The following ARFGEF3 variants were observed in gnomAD, a reference collection of about 807,000 sequenced individuals.
The protein encoded by ARFGEF3 is brefeldin A-inhibited guanine nucleotide-exchange protein 3.
Under a neutral mutation model 221.7 loss-of-function variants are expected in ARFGEF3, and 96 were observed. The observed-to-expected ratio is 0.43, with a 90% confidence interval of 0.37 to 0.51. The LOEUF is 0.51. Ranked by LOEUF, ARFGEF3 falls within the 20% of genes least tolerant of loss-of-function variation. The pLI, the probability that ARFGEF3 is intolerant of heterozygous loss-of-function variation, is 0.00. For missense variants in ARFGEF3, 2,410 were observed against 2,789.9 expected (o/e 0.86, Z 3.07); for synonymous variants, 1,145 against 1,126.8 (o/e 1.02, Z -0.32).
At chr6:138,233,624 G>A (rs1439390650) in intron 5 of ARFGEF3, among the ~76,000 whole-genome samples, 3 of 152,012 alleles carry the variant, frequency 2.0e-5, no homozygotes, top group African/African-American at 7.2e-5. Context: ...TGATCCACCC[G>A]CCTCGGCCTC....
At chr6:138,232,318 C>T (rs775452908) in intron 5 of ARFGEF3, among the ~76,000 whole-genome samples, 1 of 152,130 alleles carries the variant, frequency 6.6e-6, no homozygotes, top group Non-Finnish European at 1.5e-5. Context: ...ACCAGCCTAA[C>T]CAACATGGGG....
At chr6:138,263,814 A>G (rs1244113522) in intron 12 of ARFGEF3, among the ~76,000 whole-genome samples, 1 of 152,248 alleles carries the variant, frequency 6.6e-6, no homozygotes, top group East Asian at 1.9e-4. Context: ...GATGGCTGGA[A>G]TATACTATGA....
intron 25 of ARFGEF3, 72 bp downstream of exon 25, chr6:138,311,582 G>C: frequency 9.7e-7 from 1 of 1,034,626 alleles, no homozygotes; most frequent in South Asian, 1.4e-5. Context: ...ACATGCGTGG[G>C]GGGTCTTTTG....
rs1344782191 is a variant in ARFGEF3, at chr6:138,337,553, A to G, written c.*1067A>G. On this transcript the variant is annotated 3_prime_UTR_variant, in exon 34 of 34. Coordinates refer to ENST00000251691, the MANE Select transcript of ARFGEF3 (RefSeq NM_020340.5). ...ATTTTCAATCTTAAAATATAATACAACAATCTTGCAAAATTATGGTGTCAG... is the reference window on the plus strand; with the variant it reads ...ATTTTCAATCTTAAAATATAATACAGCAATCTTGCAAAATTATGGTGTCAG... 6.6e-6 allele frequency: 1 copy of G among 152,590 alleles called. No homozygotes were observed. The highest frequency in any genetic ancestry group is 1.5e-5 in the Non-Finnish European group (1 of 68,038). 9.5% of individuals were successfully genotyped at this position (152,590 alleles called of 1,614,324 possible). A position where few individuals can be genotyped will look rare whatever the true frequency, so the allele number is the denominator to read the frequency against.
intron 29 of ARFGEF3, among the ~76,000 whole-genome samples, chr6:138,322,840 C>G (rs1780058049): frequency 6.8e-6 from 1 of 146,524 alleles, no homozygotes; most frequent in Non-Finnish European, 1.5e-5. Flanking sequence ...TTTACAACAA[C>G]ATAGAGGGAA....
rs1223520042 is a variant in ARFGEF3 at position 138,337,768 on chromosome 6, CTTA to C, written c.*1288_*1290del. 1 of 152,094 alleles carries C rather than the reference CTTA, an allele frequency of 6.6e-6. No individual in the cohort carries two copies. The highest frequency in any genetic ancestry group is 1.5e-5 in the Non-Finnish European group (1 of 68,010). The allele number at this position is 152,094 out of a possible 1,614,324, so 9.4% of individuals were successfully genotyped here. A position where few individuals can be genotyped will look rare whatever the true frequency, so the allele number is the denominator to read the frequency against. On this transcript the variant is annotated 3_prime_UTR_variant, in exon 34 of 34. Transcript: ENST00000251691. ...TAGAAAATACGTTTGAAAGCTTTATCTTATTATTTACAGTATTTTTATATTTCT... is the reference window on the plus strand; with the variant it reads ...TAGAAAATACGTTTGAAAGCTTTATCTTATTTACAGTATTTTTATATTTCT...
At chr6:138,280,323 G>A (rs1021924657) in intron 14 of ARFGEF3, among the ~76,000 whole-genome samples, 159 bp downstream of exon 14, 3 of 152,172 alleles carry the variant, frequency 2.0e-5, no homozygotes, top group Non-Finnish European at 4.4e-5. Context: ...AGTGTCATGA[G>A]TTCACTTCAC....
intron 29 of ARFGEF3, among the ~76,000 whole-genome samples, chr6:138,323,354 A>G (rs1985499): frequency 0.026 from 3,897 of 152,214 alleles, 75 homozygotes; most frequent in South Asian, 0.043. Context: ...TCCCACACCT[A>G]TAATATCAGC....
intron 12 of ARFGEF3, among the ~76,000 whole-genome samples, chr6:138,273,572 G>C (rs990060347): frequency 1.3e-5 from 2 of 152,214 alleles, no homozygotes; most frequent in Non-Finnish European, 2.9e-5. Flanking sequence ...ATCTACTAGA[G>C]AGGTACAGGA....
At chr6:138,261,808 A>T (rs748609142) in intron 11 of ARFGEF3, among the ~76,000 whole-genome samples, 169 bp downstream of exon 11, 8 of 152,212 alleles carry the variant, frequency 5.3e-5, no homozygotes, top group Non-Finnish European at 8.8e-5. Flanking sequence ...TATTATAATC[A>T]TGGAACTTTT....
intron 2 of ARFGEF3, among the ~76,000 whole-genome samples, chr6:138,206,208 T>A (rs181279760): frequency 7.2e-5 from 11 of 152,364 alleles, no homozygotes; most frequent in African/African-American, 2.6e-4. Context: ...TGATTAAAAT[T>A]CTTGGTCTGT....
chr6:138,282,410 C>A (rs1259821348), intron 14 of ARFGEF3, among the ~76,000 whole-genome samples: 4 of 152,218 alleles, frequency 2.6e-5, no homozygotes, highest in Non-Finnish European at 1.5e-5. Flanking sequence ...GCAAGACAGT[C>A]CAACTGGGGC....
At position 138,341,300 on chromosome 6, in the gene ARFGEF3, ATT is replaced by A. The variant is rs761354522; in HGVS notation, c.*4815_*4816del. 6 of 154,974 alleles carry A rather than the reference ATT, an allele frequency of 3.9e-5. No homozygotes were observed. Among genetic ancestry groups the A allele is most frequent in the Non-Finnish European group, 7.3e-5 (5 of 68,228 alleles). 9.6% of individuals were successfully genotyped at this position (154,974 alleles called of 1,614,324 possible). On this transcript the variant is annotated 3_prime_UTR_variant, in exon 34 of 34. Transcript: ENST00000251691. ...TGGATAACCATTTTTCAAAATGTAC[ATT>A]CTCTGAAGAGGAAGCAGCTGGTTGG...
At chr6:138,203,378 G>A (rs933278072) in intron 2 of ARFGEF3, among the ~76,000 whole-genome samples, 1 of 152,150 alleles carries the variant, frequency 6.6e-6, no homozygotes, top group Non-Finnish European at 1.5e-5. Flanking sequence ...TAGAATAAGG[G>A]CAAGAAGGTT....
rs569878069 is a variant in ARFGEF3, at chr6:138,316,394, CAT to C, written c.4346-853_4346-852del. Among the ~76,000 whole-genome samples, 7 of 152,190 alleles carry C rather than the reference CAT, an allele frequency of 4.6e-5. No homozygotes were observed. The South Asian group carries it at 1.5e-3, about 32-fold the overall frequency. On this transcript the variant is annotated intron_variant, in intron 26 of 33. Transcript: ENST00000251691. ...TTTTTCCTCTTATAGAAATTTCAAA[CAT>C]ATACAAAACTTGTATATTTTGAATA...
intron 3 of ARFGEF3, among the ~76,000 whole-genome samples, chr6:138,209,335 C>T (rs563270819): frequency 1.1e-4 from 17 of 152,258 alleles, no homozygotes; most frequent in African/African-American, 3.9e-4. Flanking sequence ...TCCATTCCCA[C>T]CACCTAAATA....
intron 4 of ARFGEF3, among the ~76,000 whole-genome samples, chr6:138,214,032 A>G (rs886717355): frequency 6.6e-6 from 1 of 152,190 alleles, no homozygotes; most frequent in Admixed American, 6.5e-5. Flanking sequence ...TTAGAATAAT[A>G]AGTTTTATCC....
At chr6:138,236,020 A>G (rs1466884108) in intron 5 of ARFGEF3, among the ~76,000 whole-genome samples, 2 of 152,226 alleles carry the variant, frequency 1.3e-5, no homozygotes, top group Admixed American at 1.3e-4. Flanking sequence ...TAAAACTAAA[A>G]AAAGAATACA....
At chr6:138,169,143 A>G (rs1350541308) in intron 1 of ARFGEF3, among the ~76,000 whole-genome samples, 1 of 152,236 alleles carries the variant, frequency 6.6e-6, no homozygotes, top group African/African-American at 2.4e-5. Flanking sequence ...CCACAGTGTC[A>G]CAAGCTGGAG....
Sources: gnomAD v4.1 joint callset for allele counts (sites outside exome capture counted in the v4.1 genomes callset) on GRCh38, gnomAD v4.1.1 for gene constraint, MANE v1.5 for transcripts, NCBI Gene and HGNC (gene_info 2026-07-23, HGNC 2026-07-21) for gene names.